The following MPZL1 variants were observed in gnomAD, a reference collection of about 807,000 sequenced individuals.
MPZL1 encodes myelin protein zero like 1, also known as myelin protein zero-like protein 1.
Under a neutral mutation model 29.3 loss-of-function variants are expected in MPZL1, and 16 were observed. The observed-to-expected ratio is 0.55, with a 90% CI of 0.37 to 0.83. The LOEUF (loss-of-function observed/expected upper bound fraction) is 0.83. Among genes scored for constraint, MPZL1 ranks in the 40% least tolerant of loss-of-function variants. The probability of loss-of-function intolerance (pLI) is 0.00; values close to 1 mark genes in which losing one functional copy is unlikely to be tolerated. For synonymous variants in MPZL1, 143 were observed against 132.0 expected, an observed-to-expected ratio of 1.08 and a Z score of -0.57; for missense variants, 279 against 332.9, an observed-to-expected ratio of 0.84 and a Z score of 1.26.
At chr1:167,783,049 G>A (rs779938939) in intron 5 of MPZL1, among the ~76,000 whole-genome samples, 12 of 152,138 alleles carry the variant, frequency 7.9e-5, no homozygotes, top group Non-Finnish European at 1.5e-4. Context: ...AAACTTGATT[G>A]CGAATCTGGT....
intron 4 of MPZL1, among the ~76,000 whole-genome samples, chr1:167,775,235 T>C (rs777324885): frequency 2.0e-5 from 3 of 152,228 alleles, no homozygotes; most frequent in Non-Finnish European, 4.4e-5. Context: ...GAAGGAACAG[T>C]TTGCAGAATG....
chr1:167,740,972 G>C (rs575913720), intron 1 of MPZL1, among the ~76,000 whole-genome samples: 13 of 152,244 alleles, frequency 8.5e-5, no homozygotes, highest in Admixed American at 3.3e-4. Flanking sequence ...CTTGCCTCTA[G>C]TCTAGGTCAT....
chr1:167,770,886 G>A (rs28546439), intron 2 of MPZL1, among the ~76,000 whole-genome samples: 14,700 of 152,150 alleles, frequency 0.097, 766 homozygotes, highest in South Asian at 0.15. Context: ...AGGATTAGAG[G>A]TGATATATGA....
At chr1:167,765,549 C>T (rs777096702) in intron 1 of MPZL1, 34 bp from the exon 2 acceptor site, 3 of 1,556,810 alleles carry the variant, frequency 1.9e-6, no homozygotes, top group Admixed American at 1.9e-5. Context: ...ATGTTAAGTC[C>T]TACTTTCAAC....
intron 2 of MPZL1, among the ~76,000 whole-genome samples, chr1:167,768,813 C>T (rs1403028688): frequency 6.6e-6 from 1 of 152,202 alleles, no homozygotes; most frequent in Non-Finnish European, 1.5e-5. Context: ...TGCTGAGAAA[C>T]AGCATCATGT....
chr1:167,772,871 G>C (rs1049356436), intron 3 of MPZL1, among the ~76,000 whole-genome samples: 8 of 152,190 alleles, frequency 5.3e-5, no homozygotes, highest in Non-Finnish European at 8.8e-5. Context: ...CAACAGCACA[G>C]TTATTTCTTC....
chr1:167,744,925 T>TC (rs1558113161), intron 1 of MPZL1, among the ~76,000 whole-genome samples: 4 of 152,108 alleles, frequency 2.6e-5, no homozygotes, highest in Admixed American at 6.6e-5. Context: ...CCACTACTTC[T>TC]CCCCCCACTG....
At chr1:167,763,805 G>A (rs901094628) in intron 1 of MPZL1, among the ~76,000 whole-genome samples, 4 of 152,070 alleles carry the variant, frequency 2.6e-5, no homozygotes, top group Non-Finnish European at 5.9e-5. Flanking sequence ...GGTTTGGACC[G>A]CAAATAATAA....
At chr1:167,728,824 T>C (rs1660208750) in intron 1 of MPZL1, among the ~76,000 whole-genome samples, 1 of 152,208 alleles carries the variant, frequency 6.6e-6, no homozygotes, top group Non-Finnish European at 1.5e-5. Flanking sequence ...GATTGCCCCA[T>C]AGAATGAAAT....
intron 1 of MPZL1, among the ~76,000 whole-genome samples, chr1:167,730,261 T>C (rs1022041003): frequency 1.3e-5 from 2 of 149,444 alleles, no homozygotes; most frequent in East Asian, 1.9e-4. Flanking sequence ...AATGATGTTC[T>C]TTTTTTTTTC....
intron 2 of MPZL1, among the ~76,000 whole-genome samples, chr1:167,768,305 CT>C (rs1231992244): frequency 6.6e-6 from 1 of 152,114 alleles, no homozygotes; most frequent in Non-Finnish European, 1.5e-5. Flanking sequence ...AGTAAAAATG[CT>C]TTGTGCTTTG....
At chr1:167,732,012 A>G (rs1025593495) in intron 1 of MPZL1, among the ~76,000 whole-genome samples, 1 of 152,210 alleles carries the variant, frequency 6.6e-6, no homozygotes, top group Non-Finnish European at 1.5e-5. Flanking sequence ...ACTGTTTACA[A>G]CTGTGATCCT....
At chr1:167,763,508 A>C (rs1013130324) in intron 1 of MPZL1, among the ~76,000 whole-genome samples, 2 of 151,934 alleles carry the variant, frequency 1.3e-5, no homozygotes, top group African/African-American at 4.8e-5. Context: ...CTCAAAAAAA[A>C]AAAAAAGAAA....
In MPZL1 at chr1:167,758,156, A is replaced by G. The variant is rs945061515; in HGVS notation, c.92-7427A>G. 2.7e-5 allele frequency among the ~76,000 whole-genome samples: 4 copies of G among 146,318 alleles called. No individual in the cohort carries two copies. In the East Asian group the frequency reaches 5.9e-4, roughly 22 times the overall value. ...GCAACAGAGCAAGATTCTTGTCTCA[A>G]AAAAAAAAAAAAAAGATAAGGTTTT... On this transcript the variant is annotated intron_variant, in intron 1 of 5. Transcript: ENST00000359523.
rs551940422 is a variant in MPZL1 at position 167,740,187 on chromosome 1, G to A, written c.91+17945G>A. On this transcript the variant is annotated intron_variant, in intron 1 of 5. Transcript: ENST00000359523. ...ATCATTCTTACTACAATACAAACATGAGCTAGAATTTCTAATCTTAAAAAC... is the reference window on the plus strand; with the variant it reads ...ATCATTCTTACTACAATACAAACATAAGCTAGAATTTCTAATCTTAAAAAC... Among the ~76,000 whole-genome samples the A allele has an allele frequency of 2.6e-5, 4 of 152,278 alleles. No homozygotes were observed. In the South Asian group the frequency reaches 8.3e-4, roughly 32 times the overall value.
chr1:167,790,624 A>G lies in MPZL1; in HGVS notation c.*2703A>G, dbSNP rs2101805138. On this transcript the variant is annotated 3_prime_UTR_variant, in exon 6 of 6. Transcript: ENST00000359523. The stretch of plus-strand genomic sequence containing the variant: ...CCCTCTCCATGTCTTCGTCCTGGCA[A>G]ACAGGGTCGTCTTAAAATTATGCGC... 6.6e-6 allele frequency: 1 copy of G among 152,302 alleles called. No homozygotes were observed. The highest frequency in any genetic ancestry group is 2.4e-5 in the African/African-American group (1 of 41,540). 9.4% of individuals were successfully genotyped at this position (152,302 alleles called of 1,614,324 possible).
chr1:167,740,116 T>C (rs1206635986), intron 1 of MPZL1, among the ~76,000 whole-genome samples: 1 of 152,184 alleles, frequency 6.6e-6, no homozygotes, highest in African/African-American at 2.4e-5. Flanking sequence ...TACCATCTCT[T>C]TTTACATCCT....
chr1:167,771,405 C>T (rs2101788455), intron 2 of MPZL1, among the ~76,000 whole-genome samples: 1 of 152,316 alleles, frequency 6.6e-6, no homozygotes, highest in Non-Finnish European at 1.5e-5. Flanking sequence ...TCTACACAGA[C>T]ACAGTAACAA....
chr1:167,722,020 G>A lies in MPZL1; in HGVS notation c.-132G>A, dbSNP rs1660037531. On this transcript the variant is annotated 5_prime_UTR_variant, in exon 1 of 6. Transcript: ENST00000359523. ...GCCGCGGCTGGGACCGGAGTGGGGA[G>A]CGCGGCGTGGAGGTGCCACCCGGCG... 3 of 1,190,606 alleles carry A rather than the reference G, an allele frequency of 2.5e-6. No homozygotes were observed. Among genetic ancestry groups the A allele is most frequent in the South Asian group, 4.3e-5 (1 of 23,310 alleles). The allele number at this position is 1,190,606 out of a possible 1,614,324, so 73.8% of individuals were successfully genotyped here. A position where few individuals can be genotyped will look rare whatever the true frequency, so the allele number is the denominator to read the frequency against.
Sources: allele counts gnomAD v4.1 joint callset (sites outside exome capture counted in the v4.1 genomes callset), GRCh38; gene constraint gnomAD v4.1.1; transcripts MANE v1.5; gene names NCBI Gene and HGNC (gene_info 2026-07-23, HGNC 2026-07-21).